The following FHIT variants were observed in gnomAD, a reference collection of about 807,000 sequenced individuals.
FHIT encodes the protein bis(5'-adenosyl)-triphosphatase.
FHIT carries 19 observed loss-of-function variants against 17.9 expected under a neutral mutation model. That is an observed-to-expected ratio of 1.06 (90% confidence interval 0.74 to 1.56). The LOEUF (loss-of-function observed/expected upper bound fraction) is 1.56. Among genes scored for constraint, FHIT ranks in the 40% most tolerant of loss-of-function variants. FHIT has a pLI of 0.00. For missense variants in FHIT, 248 were observed against 189.2 expected (o/e 1.31, Z -1.82); for synonymous variants, 81 against 69.7 (o/e 1.16, Z -0.81).
chr3:61,189,299 A>G (rs2038633145), intron 2 of FHIT, among the ~76,000 whole-genome samples: 1 of 152,320 alleles, frequency 6.6e-6, no homozygotes, highest in South Asian at 2.1e-4. Context: ...ACAGACAAAC[A>G]GAGAGCCAAA....
At chr3:61,050,439 A>G (rs982256473) in intron 2 of FHIT, among the ~76,000 whole-genome samples, 7 of 152,206 alleles carry the variant, frequency 4.6e-5, no homozygotes, top group African/African-American at 1.7e-4. Flanking sequence ...ACCATCAACA[A>G]AAGAACAATT....
intron 3 of FHIT, among the ~76,000 whole-genome samples, chr3:60,918,223 C>A (rs1191233553): frequency 6.6e-6 from 1 of 152,172 alleles, no homozygotes; most frequent in East Asian, 1.9e-4. Context: ...AACTGTGAGT[C>A]CATTAAACCT....
At chr3:60,145,946 A>G (rs1204293853) in intron 5 of FHIT, among the ~76,000 whole-genome samples, 1 of 152,188 alleles carries the variant, frequency 6.6e-6, no homozygotes, top group African/African-American at 2.4e-5. Context: ...TAGAAATGTC[A>G]CATTACCTCC....
intron 8 of FHIT, among the ~76,000 whole-genome samples, chr3:59,811,800 A>T (rs2107046981): frequency 6.6e-6 from 1 of 152,336 alleles, no homozygotes; most frequent in East Asian, 1.9e-4. Context: ...TGCCACTGTG[A>T]TAGCCACATT....
chr3:60,450,362 A>AAT (rs987005997), intron 5 of FHIT, among the ~76,000 whole-genome samples: 12 of 151,886 alleles, frequency 7.9e-5, no homozygotes, highest in East Asian at 7.7e-4. Context: ...ATGGTACATA[A>AAT]ATATATATAT....
chr3:60,922,110 A>G (rs926873466), intron 3 of FHIT, among the ~76,000 whole-genome samples: 1 of 152,208 alleles, frequency 6.6e-6, no homozygotes, highest in Non-Finnish European at 1.5e-5. Flanking sequence ...CTCTCAAAAT[A>G]GAAATAAATA....
intron 5 of FHIT, among the ~76,000 whole-genome samples, chr3:60,531,513 C>G (rs936937148): frequency 5.3e-5 from 8 of 151,946 alleles, no homozygotes; most frequent in Non-Finnish European, 1.0e-4. Flanking sequence ...CTCCTGACCT[C>G]GTGATCCGCC....
chr3:61,078,060 C>G (rs2035024646), intron 2 of FHIT, among the ~76,000 whole-genome samples: 1 of 152,054 alleles, frequency 6.6e-6, no homozygotes, highest in Non-Finnish European at 1.5e-5. Context: ...TTAAAGCAGA[C>G]AGCAAAGCAG....
chr3:59,950,381 C>T (rs1707053492), intron 7 of FHIT, among the ~76,000 whole-genome samples: 1 of 152,128 alleles, frequency 6.6e-6, no homozygotes, highest in Non-Finnish European at 1.5e-5. Context: ...GCCACCTGAC[C>T]TTGCTTTGCT....
At chr3:60,943,816 T>G (rs1708518829) in intron 3 of FHIT, among the ~76,000 whole-genome samples, 1 of 152,154 alleles carries the variant, frequency 6.6e-6, no homozygotes, top group African/African-American at 2.4e-5. Flanking sequence ...AGCTCATAAG[T>G]ACTTATATAT....
intron 5 of FHIT, among the ~76,000 whole-genome samples, chr3:60,471,399 C>T (rs2033083093): frequency 6.6e-6 from 1 of 152,192 alleles, no homozygotes; most frequent in Admixed American, 6.5e-5. Context: ...TTGGCATGGA[C>T]AATTTGCCTC....
chr3:60,843,551 G>A (rs1424263688), intron 3 of FHIT, among the ~76,000 whole-genome samples: 16 of 152,142 alleles, frequency 1.1e-4, no homozygotes, highest in Admixed American at 1.0e-3. Flanking sequence ...ATGTGTTCTT[G>A]TGCTGGATTT....
At chr3:60,584,823 A>T (rs782140166) in intron 4 of FHIT, among the ~76,000 whole-genome samples, 2 of 151,974 alleles carry the variant, frequency 1.3e-5, no homozygotes, top group South Asian at 4.1e-4. Flanking sequence ...AGATCCTTAC[A>T]ATGTAATATC....
intron 3 of FHIT, among the ~76,000 whole-genome samples, chr3:60,951,823 T>C (rs1559858926): frequency 6.6e-6 from 1 of 152,062 alleles, no homozygotes; most frequent in Non-Finnish European, 1.5e-5. Flanking sequence ...TATAGCAGGA[T>C]TGTTTTCCCT....
intron 5 of FHIT, among the ~76,000 whole-genome samples, chr3:60,038,378 T>C (rs543499061): frequency 1.0e-3 from 157 of 152,200 alleles, no homozygotes; most frequent in Non-Finnish European, 1.7e-3. Flanking sequence ...AATAATGTTA[T>C]ATATTTTATC....
chr3:60,870,643 C>G (rs183347029), intron 3 of FHIT, among the ~76,000 whole-genome samples: 1 of 152,260 alleles, frequency 6.6e-6, no homozygotes, highest in East Asian at 1.9e-4. Flanking sequence ...TCCTTTTGTT[C>G]TCTTCTCTTG....
chr3:60,346,441 C>T (rs72875040), intron 5 of FHIT, among the ~76,000 whole-genome samples: 13,776 of 152,168 alleles, frequency 0.091, 2,048 homozygotes, highest in African/African-American at 0.31. Context: ...CAGATATGTG[C>T]ACTGAGGGAA....
intron 5 of FHIT, among the ~76,000 whole-genome samples, chr3:60,237,887 G>C (rs1467896316): frequency 6.6e-6 from 1 of 152,100 alleles, no homozygotes; most frequent in African/African-American, 2.4e-5. Context: ...TATAATCCCA[G>C]TACTTTGGGA....
chr3:60,857,499 T>G (rs1393860730), intron 3 of FHIT, among the ~76,000 whole-genome samples: 1 of 151,942 alleles, frequency 6.6e-6, no homozygotes, highest in African/African-American at 2.4e-5. Flanking sequence ...ACAAAAGCTT[T>G]TCAATAAGGG....
Sources: gnomAD v4.1 joint callset for allele counts (sites outside exome capture counted in the v4.1 genomes callset) on GRCh38, gnomAD v4.1.1 for gene constraint, MANE v1.5 for transcripts, NCBI Gene and HGNC (gene_info 2026-07-23, HGNC 2026-07-21) for gene names.